HERPUD2: variants seen among roughly 807,000 people sequenced by gnomAD.
HERPUD2 encodes the protein homocysteine-responsive endoplasmic reticulum-resident ubiquitin-like domain member 2 protein.
A neutral mutation model predicts 49.9 loss-of-function variants in HERPUD2; 13 were observed. The ratio of observed to expected loss-of-function variants is 0.26; its 90% CI spans 0.17 to 0.41. HERPUD2 has a LOEUF of 0.41. Among genes scored for constraint, HERPUD2 ranks in the 10% least tolerant of loss-of-function variants. The pLI is 1.00. For synonymous variants in HERPUD2, 172 were observed against 171.4 expected, an observed-to-expected ratio of 1.00 and a Z score of -0.03; for missense variants, 449 against 492.2, an observed-to-expected ratio of 0.91 and a Z score of 0.83.
intron 8 of HERPUD2, among the ~76,000 whole-genome samples, chr7:35,634,055 A>G (rs1291212940): frequency 6.6e-6 from 1 of 152,164 alleles, no homozygotes; most frequent in Non-Finnish European, 1.5e-5. Flanking sequence ...AATTCTTACC[A>G]TGTGTATAAT....
At chr7:35,669,127 G>A (rs759571892) in intron 4 of HERPUD2, among the ~76,000 whole-genome samples, 1 of 152,166 alleles carries the variant, frequency 6.6e-6, no homozygotes, top group East Asian at 1.9e-4. Flanking sequence ...AACTGTGTCC[G>A]ACGACTACAA....
At chr7:35,662,664 A>G (rs1484594821) in intron 5 of HERPUD2, among the ~76,000 whole-genome samples, 2 of 152,106 alleles carry the variant, frequency 1.3e-5, no homozygotes, top group African/African-American at 4.8e-5. Context: ...ATTTGCGTAG[A>G]GGTGTTTATA....
At chr7:35,681,725 A>G (rs1397212210) in intron 2 of HERPUD2, among the ~76,000 whole-genome samples, 3 of 152,200 alleles carry the variant, frequency 2.0e-5, no homozygotes, top group African/African-American at 7.2e-5. Flanking sequence ...AGTTAAAGAT[A>G]GGAGGCACAA....
At chr7:35,689,104 TAAAAGTTCTAC>T in intron 2 of HERPUD2, among the ~76,000 whole-genome samples, 1 of 152,282 alleles carries the variant, frequency 6.6e-6, no homozygotes, top group South Asian at 2.1e-4. Flanking sequence ...AAACTTAAGC[TAAAAGTTCTAC>T]AAAAATTCTA....
In HERPUD2 at chr7:35,633,592, T is replaced by C; in HGVS notation, c.*98A>G. 9.2e-7 allele frequency: 1 copy of C among 1,085,330 alleles called. No homozygotes were observed. 67.2% of individuals were successfully genotyped at this position (1,085,330 alleles called of 1,614,324 possible). A position where few individuals can be genotyped will look rare whatever the true frequency, so the allele number is the denominator to read the frequency against. On this transcript the variant is annotated 3_prime_UTR_variant, in exon 9 of 9. Coordinates refer to ENST00000311350, the MANE Select transcript of HERPUD2 (RefSeq NM_022373.5). The stretch of plus-strand genomic sequence containing the variant: ...AGAAAAAAAACACCTCTGTACATGA[T>C]GATCAAAAGAAAGTTATAAATTTTT...
At chr7:35,669,167 G>A (rs981856090) in intron 4 of HERPUD2, among the ~76,000 whole-genome samples, 11 of 152,154 alleles carry the variant, frequency 7.2e-5, no homozygotes, top group African/African-American at 2.7e-4. Context: ...GCCAATGTCT[G>A]TGCCTTTCCA....
rs1784836528 is a variant in HERPUD2 at position 35,634,382 on chromosome 7, T to C, written c.989A>G (p.Gln330Arg). The part of the protein sequence containing the change: ...FPFRQEGGHQ[Q>R]APNNNAEVNN... ...AACTTCGGCATTATTGTTGGGAGCC[T>C]GCTGATGACCTCCTTCTTGCCTAAA... The change falls in exon 8 of 9, where the codon CAG (glutamine) becomes CGG (arginine). Residue 330 changes from glutamine (Q) to arginine (R), a missense_variant. By Grantham distance (43) the Gln-to-Arg change is conservative. Coordinates refer to ENST00000311350, the MANE Select transcript of HERPUD2 (RefSeq NM_022373.5). The C allele has an allele frequency of 6.2e-7, 1 of 1,613,922 alleles. No homozygotes were observed. The highest frequency in any genetic ancestry group is 1.7e-5 in the Admixed American group (1 of 60,002).
intron 5 of HERPUD2, among the ~76,000 whole-genome samples, chr7:35,640,706 C>G (rs890220557): frequency 6.6e-6 from 1 of 152,004 alleles, no homozygotes; most frequent in Non-Finnish European, 1.5e-5. Flanking sequence ...AATAAAGGAT[C>G]TGATGCTAAA....
intron 5 of HERPUD2, among the ~76,000 whole-genome samples, chr7:35,659,426 T>C (rs1360053861): frequency 6.6e-6 from 1 of 152,238 alleles, no homozygotes; most frequent in Non-Finnish European, 1.5e-5. Context: ...GAGATGCTTA[T>C]AAATGTTTGC....
intron 2 of HERPUD2, among the ~76,000 whole-genome samples, chr7:35,676,863 G>T (rs1209143629): frequency 6.6e-6 from 1 of 152,092 alleles, no homozygotes; most frequent in Non-Finnish European, 1.5e-5. Context: ...TAACAAGATT[G>T]TTACTAACAA....
intron 5 of HERPUD2, among the ~76,000 whole-genome samples, chr7:35,655,557 A>G (rs1413160578): frequency 6.6e-6 from 1 of 152,184 alleles, no homozygotes; most frequent in African/African-American, 2.4e-5. Flanking sequence ...AAAAAAGACC[A>G]TATATAACAA....
chr7:35,639,566 CA>C (rs1784933315), intron 5 of HERPUD2, among the ~76,000 whole-genome samples: 1 of 152,136 alleles, frequency 6.6e-6, no homozygotes. Flanking sequence ...AAGACAACTA[CA>C]GAGATAAACA....
chr7:35,688,660 A>G (rs1438400503), intron 2 of HERPUD2, among the ~76,000 whole-genome samples: 1 of 152,262 alleles, frequency 6.6e-6, no homozygotes, highest in Admixed American at 6.5e-5. Flanking sequence ...TTATCCATTT[A>G]TCTACAGCCT....
At chr7:35,693,153 G>C (rs1274111270) in intron 2 of HERPUD2, among the ~76,000 whole-genome samples, 1 of 152,148 alleles carries the variant, frequency 6.6e-6, no homozygotes. Flanking sequence ...TCTGACTTTG[G>C]GGACAGATGG....
At position 35,638,427 on chromosome 7, in the gene HERPUD2, G is replaced by A. The variant is rs1242295692; in HGVS notation, c.540C>T (p.Phe180=). 1 of 1,613,584 alleles carries A rather than the reference G, an allele frequency of 6.2e-7. No homozygotes were observed. The highest frequency in any genetic ancestry group is 1.7e-5 in the Admixed American group (1 of 60,008). The change falls in exon 6 of 9, where the codon TTC becomes TTT. Residue 180 remains phenylalanine, a synonymous_variant. Coordinates refer to ENST00000311350, the MANE Select transcript of HERPUD2 (RefSeq NM_022373.5). ...QFPGQAAPPG[F]PVYPAFSPLQ... ...GTGGGCTAAACGCGGGATACACTGG[G>A]AATCCAGGTGGAGCAGCTTGCCCAG... is the stretch of plus-strand genomic sequence containing the variant.
intron 2 of HERPUD2, among the ~76,000 whole-genome samples, chr7:35,684,549 G>A (rs113194847): frequency 1.6e-4 from 25 of 151,874 alleles, no homozygotes; most frequent in Middle Eastern, 3.4e-3. Context: ...CATATGTGAC[G>A]GACTACTACT....
At chr7:35,649,230 G>A (rs1296612179) in intron 5 of HERPUD2, among the ~76,000 whole-genome samples, 4 of 149,834 alleles carry the variant, frequency 2.7e-5, no homozygotes, top group African/African-American at 7.4e-5. Flanking sequence ...CAGCCTGGGC[G>A]ACAGAGCGAG....
intron 8 of HERPUD2, 73 bp downstream of exon 8, chr7:35,634,239 T>C: frequency 1.1e-6 from 1 of 892,200 alleles, no homozygotes; most frequent in Non-Finnish European, 1.9e-6. Context: ...CCAACATTCT[T>C]TCATCATGTT....
intron 4 of HERPUD2, among the ~76,000 whole-genome samples, chr7:35,668,986 T>A (rs1005507503): frequency 6.6e-6 from 1 of 152,184 alleles, no homozygotes; most frequent in Non-Finnish European, 1.5e-5. Context: ...AACATTCCTT[T>A]GATACTTTTC....
Sources: allele counts gnomAD v4.1 joint callset (sites outside exome capture counted in the v4.1 genomes callset), GRCh38; gene constraint gnomAD v4.1.1; transcripts MANE v1.5; gene names NCBI Gene and HGNC (gene_info 2026-07-23, HGNC 2026-07-21).